The following TSPEAR variants were observed in gnomAD, a reference collection of about 807,000 sequenced individuals.
TSPEAR encodes the protein thrombospondin-type laminin G domain and EAR repeat-containing protein.
A neutral mutation model predicts 71.6 loss-of-function variants in TSPEAR; 69 were observed. The observed-to-expected ratio is 0.96, with a 90% CI of 0.79 to 1.18. The LOEUF is 1.18. Ranked by LOEUF, TSPEAR falls within the 50% of genes most tolerant of loss-of-function variation. The probability of loss-of-function intolerance (pLI) is 0.00; values close to 1 mark genes in which losing one functional copy is unlikely to be tolerated. For missense variants in TSPEAR, 971 were observed against 894.9 expected (o/e 1.09, Z -1.09); for synonymous variants, 402 against 387.2 (o/e 1.04, Z -0.45).
At chr21:44,559,847 C>T (rs2053607826) in intron 2 of TSPEAR, among the ~76,000 whole-genome samples, 2 of 152,150 alleles carry the variant, frequency 1.3e-5, no homozygotes, top group South Asian at 4.1e-4. Flanking sequence ...TGATGATGCT[C>T]TAGGCTGCAG....
At chr21:44,669,134 A>G (rs1985931954) in intron 1 of TSPEAR, among the ~76,000 whole-genome samples, 1 of 152,232 alleles carries the variant, frequency 6.6e-6, no homozygotes, top group Non-Finnish European at 1.5e-5. Flanking sequence ...AGCATCACAT[A>G]TATGTAATAT....
chr21:44,524,468 TAGGTAGTCAGTCAGTCAGGTAGTTAGTC>T (rs1555914682), intron 8 of TSPEAR, among the ~76,000 whole-genome samples: 1 of 149,410 alleles, frequency 6.7e-6, no homozygotes, highest in African/African-American at 2.5e-5. Flanking sequence ...GTCAGGTAGT[TAGGTAGTCAGTCAGTCAGGTAGTTAGTC>T]AGGTAGTCAG....
chr21:44,601,822 G>C, intron 1 of TSPEAR: 1 of 1,519,566 alleles, frequency 6.6e-7, no homozygotes, highest in Non-Finnish European at 8.9e-7. Context: ...TCCACATCCC[G>C]CTCCTAAGCC....
intron 1 of TSPEAR, chr21:44,601,416 C>T (rs1555928743): frequency 6.2e-7 from 1 of 1,612,714 alleles, no homozygotes; most frequent in Non-Finnish European, 8.5e-7. Flanking sequence ...AGCAGGGCTG[C>T]TGCGTGCCCG....
intron 1 of TSPEAR, 29 bp from the exon 2 acceptor site, chr21:44,568,034 G>A (rs1555922004): frequency 1.3e-6 from 2 of 1,481,840 alleles, no homozygotes; most frequent in South Asian, 1.4e-5. Context: ...AGGTGGGTTA[G>A]GCCAGGACAC....
In TSPEAR at chr21:44,654,437, AG is replaced by A. The variant is rs782261684; in HGVS notation, c.82+56995del. 2.5e-6 allele frequency: 4 copies of A among 1,614,118 alleles called. No homozygotes were observed. In the South Asian group the frequency reaches 4.4e-5, roughly 18 times the overall value. On this transcript the variant is annotated intron_variant, in intron 1 of 11. Transcript: ENST00000323084. ...ACCTGGCAGGGGCTGGGCACACAGC[AG>A]GCTGGCTGGCAGCAGGTGGATACCC...
chr21:44,622,060 A>G (rs1054405470), intron 1 of TSPEAR, among the ~76,000 whole-genome samples: 8 of 152,208 alleles, frequency 5.3e-5, no homozygotes, highest in Admixed American at 5.2e-4. Context: ...CATATAACAT[A>G]AGACTTAAAT....
At chr21:44,517,489 TATGAC>T (rs1255875721) in intron 9 of TSPEAR, 4 of 294,482 alleles carry the variant, frequency 1.4e-5, no homozygotes, top group African/African-American at 2.2e-5. Flanking sequence ...GGCTGGGTCA[TATGAC>T]AAGCATTAGC....
In TSPEAR at chr21:44,608,148, A is replaced by G. The variant is rs782170732; in HGVS notation, c.83-40143T>C. ...CTTGTGGTAGTGGTTACATGGGTGT[A>G]TATTTTCTCAAAACTCATGAAAAGG... On this transcript the variant is annotated intron_variant, in intron 1 of 11. Transcript: ENST00000323084. 3.3e-5 allele frequency among the ~76,000 whole-genome samples: 5 copies of G among 152,326 alleles called. 1 individual carries two copies. Among genetic ancestry groups the G allele is most frequent in the African/African-American group, 1.2e-4 (5 of 41,570 alleles).
At chr21:44,508,086 G>C (rs2052246512) in intron 10 of TSPEAR, 1 of 152,248 alleles carries the variant, frequency 6.6e-6, no homozygotes, top group South Asian at 2.1e-4. Flanking sequence ...TTCCTGGCCT[G>C]TCTACATACC....
At chr21:44,574,473 T>C in intron 1 of TSPEAR, 1 of 1,605,820 alleles carries the variant, frequency 6.2e-7, no homozygotes, top group Non-Finnish European at 8.5e-7. Flanking sequence ...GACTGTCTGC[T>C]GCAAGCCTGT....
intron 1 of TSPEAR, among the ~76,000 whole-genome samples, chr21:44,659,762 G>C (rs1460499581): frequency 6.6e-6 from 1 of 152,068 alleles, no homozygotes; most frequent in Non-Finnish European, 1.5e-5. Flanking sequence ...CTCCAGCCTG[G>C]GTAAAAGAGC....
intron 9 of TSPEAR, among the ~76,000 whole-genome samples, chr21:44,521,572 CG>C (rs587655484): frequency 2.9e-3 from 436 of 152,336 alleles, no homozygotes; most frequent in African/African-American, 9.9e-3. Context: ...GTTCTGAGCC[CG>C]GGGGCTGCTT....
chr21:44,558,551 G>C lies in TSPEAR; in HGVS notation c.303+9234C>G, dbSNP rs782416853. On this transcript the variant is annotated intron_variant, in intron 2 of 11. Transcript: ENST00000323084. The stretch of plus-strand genomic sequence containing the variant: ...GCTCACAGGCCGCCTGGCAGCAGGG[G>C]CTGGACACACAGCTCACTGGGGTGC... The C allele has an allele frequency of 6.2e-6, 10 of 1,613,354 alleles. No homozygotes were observed. The South Asian group carries it at 1.1e-4, about 18-fold the overall frequency.
In TSPEAR at chr21:44,697,274, G is replaced by A. The variant is rs1555950735; in HGVS notation, c.82+14159C>T. On this transcript the variant is annotated intron_variant, in intron 1 of 11. Coordinates refer to ENST00000323084, the MANE Select transcript of TSPEAR (RefSeq NM_144991.3). ...TCCTGGTTCCTGTGACTCTTGCTCC[G>A]ACTCCTGGCAGGTGGACGACTGCCC... is the stretch of plus-strand genomic sequence containing the variant. The A allele has an allele frequency of 3.3e-5, 53 of 1,613,866 alleles. No homozygotes were observed. Among genetic ancestry groups the A allele is most frequent in the East Asian group, 6.7e-5 (3 of 44,880 alleles).
At chr21:44,664,112 TA>T (rs1985629964) in intron 1 of TSPEAR, among the ~76,000 whole-genome samples, 1 of 152,102 alleles carries the variant, frequency 6.6e-6, no homozygotes, top group Non-Finnish European at 1.5e-5. Context: ...AACAGTGAAG[TA>T]AAAAGCATGC....
At chr21:44,684,881 T>C (rs1375321887) in intron 1 of TSPEAR, among the ~76,000 whole-genome samples, 3 of 152,224 alleles carry the variant, frequency 2.0e-5, no homozygotes, top group Non-Finnish European at 4.4e-5. Flanking sequence ...CTAGGTCACA[T>C]AGGAACATGT....
At chr21:44,639,332 G>A (rs1282590171) in intron 1 of TSPEAR, among the ~76,000 whole-genome samples, 4 of 152,200 alleles carry the variant, frequency 2.6e-5, no homozygotes, top group African/African-American at 7.2e-5. Context: ...ATTTGAGAGC[G>A]CACGTCCGGC....
chr21:44,602,072 G>A (rs140294719), intron 1 of TSPEAR: 10 of 426,778 alleles, frequency 2.3e-5, no homozygotes, highest in African/African-American at 6.0e-5. Context: ...GCTCAGTGGC[G>A]AGCCCTGCTC....
Sources: allele counts gnomAD v4.1 joint callset (sites outside exome capture counted in the v4.1 genomes callset), GRCh38; gene constraint gnomAD v4.1.1; transcripts MANE v1.5; gene names NCBI Gene and HGNC (gene_info 2026-07-23, HGNC 2026-07-21).